ANKRD45: variants seen among roughly 807,000 people sequenced by gnomAD.
ANKRD45 encodes ankyrin repeat domain 45, also known as ankyrin repeat domain-containing protein 45.
Under a neutral mutation model 28.1 loss-of-function variants are expected in ANKRD45, and 21 were observed. The observed-to-expected ratio is 0.75, with a 90% confidence interval of 0.53 to 1.08. The LOEUF is 1.08. ANKRD45 is among the 50% of genes least tolerant of loss of function. The probability of loss-of-function intolerance (pLI) is 0.00; values close to 1 mark genes in which losing one functional copy is unlikely to be tolerated. For synonymous variants in ANKRD45, 86 were observed against 103.9 expected (o/e 0.83, Z 1.05); for missense variants, 261 against 308.7 (o/e 0.85, Z 1.16).
chr1:173,620,312 A>T (rs1558119378), intron 5 of ANKRD45, among the ~76,000 whole-genome samples: 1 of 152,218 alleles, frequency 6.6e-6, no homozygotes, highest in African/African-American at 2.4e-5. Context: ...TCAAAACCAC[A>T]CAACTGCATG....
the ANKRD45 span, among the ~76,000 whole-genome samples, chr1:173,685,298 A>C: frequency 6.6e-6 from 1 of 152,216 alleles, no homozygotes; most frequent in Non-Finnish European, 1.5e-5. Flanking sequence ...TGAGAGACAC[A>C]AAGTGAACTT....
the ANKRD45 span, among the ~76,000 whole-genome samples, chr1:173,708,284 A>C: frequency 3.8e-3 from 579 of 152,338 alleles, 4 homozygotes; most frequent in African/African-American, 0.013. Context: ...TGACATTATT[A>C]AGACATATGG....
At chr1:173,653,029 G>T (rs1249661915) in intron 2 of ANKRD45, among the ~76,000 whole-genome samples, 1 of 151,686 alleles carries the variant, frequency 6.6e-6, no homozygotes, top group African/African-American at 2.4e-5. Context: ...CAATTTTGTG[G>T]ATCTTTGCAA....
chr1:173,668,765 TAC>T (rs1464110219), intron 1 of ANKRD45, among the ~76,000 whole-genome samples: 2 of 152,228 alleles, frequency 1.3e-5, no homozygotes, highest in African/African-American at 4.8e-5. Context: ...AAAAATAAAT[TAC>T]ATTTTCTTTG....
At chr1:173,627,458 A>G (rs1667989836) in intron 3 of ANKRD45, among the ~76,000 whole-genome samples, 1 of 152,208 alleles carries the variant, frequency 6.6e-6, no homozygotes, top group Non-Finnish European at 1.5e-5. Flanking sequence ...CAGAGAATCT[A>G]TATGCTTGAG....
intron 1 of ANKRD45, chr1:173,667,828 G>T (rs1404459384): frequency 3.3e-6 from 1 of 299,006 alleles, no homozygotes; most frequent in Non-Finnish European, 6.5e-6. Flanking sequence ...ATATATCTAT[G>T]TAAGGAGGAA....
At chr1:173,627,770 A>ACCT (rs1668002298) in intron 3 of ANKRD45, among the ~76,000 whole-genome samples, 5 of 151,996 alleles carry the variant, frequency 3.3e-5, no homozygotes, top group African/African-American at 1.2e-4. Flanking sequence ...TGGGGTGCAC[A>ACCT]TCACCTAGTG....
intron 1 of ANKRD45, among the ~76,000 whole-genome samples, chr1:173,660,677 A>C (rs951466211): frequency 1.3e-5 from 2 of 152,212 alleles, no homozygotes; most frequent in Non-Finnish European, 2.9e-5. Flanking sequence ...GGAGAAGGCC[A>C]CCTTTCAAGG....
At chr1:173,669,901 A>C (rs1479508735), upstream of ANKRD45, 1 of 169,554 alleles carries the variant, frequency 5.9e-6, no homozygotes, top group African/African-American at 2.4e-5. Context: ...CGGTTCCGGC[A>C]GCGCGGGAAG....
the ANKRD45 span, among the ~76,000 whole-genome samples, chr1:173,709,496 C>A: frequency 6.6e-6 from 1 of 152,146 alleles, no homozygotes; most frequent in Non-Finnish European, 1.5e-5. Context: ...TCACTAGGTT[C>A]AGCCCACACT....
chr1:173,698,287 C>A, the ANKRD45 span, among the ~76,000 whole-genome samples: 2 of 152,088 alleles, frequency 1.3e-5, no homozygotes, highest in African/African-American at 4.8e-5. Flanking sequence ...ACAAGGATAT[C>A]CAGGACTTGA....
At chr1:173,683,072 G>A in the ANKRD45 span, among the ~76,000 whole-genome samples, 1 of 151,750 alleles carries the variant, frequency 6.6e-6, no homozygotes, top group Non-Finnish European at 1.5e-5. Flanking sequence ...AAGTTCAGAT[G>A]GAGTTGATCA....
intron 3 of ANKRD45, among the ~76,000 whole-genome samples, chr1:173,639,179 G>A (rs1252509268): frequency 6.6e-6 from 1 of 152,278 alleles, no homozygotes; most frequent in East Asian, 1.9e-4. Context: ...AATTTGGGCT[G>A]AGCAAGGTCT....
the ANKRD45 span, among the ~76,000 whole-genome samples, chr1:173,679,575 C>T: frequency 6.6e-6 from 1 of 152,074 alleles, no homozygotes; most frequent in Non-Finnish European, 1.5e-5. Context: ...AAATGTAAGA[C>T]TAAAACCATA....
chr1:173,695,227 G>A, the ANKRD45 span, among the ~76,000 whole-genome samples: 4 of 152,012 alleles, frequency 2.6e-5, no homozygotes, highest in Non-Finnish European at 5.9e-5. Flanking sequence ...TTAGATTCAG[G>A]AGTACATGTG....
chr1:173,697,494 G>C, the ANKRD45 span, among the ~76,000 whole-genome samples: 3 of 152,222 alleles, frequency 2.0e-5, no homozygotes, highest in Non-Finnish European at 2.9e-5. Flanking sequence ...AGCCAGAAGA[G>C]AGTGGGGGCC....
chr1:173,684,804 C>T, the ANKRD45 span, among the ~76,000 whole-genome samples: 1 of 152,176 alleles, frequency 6.6e-6, no homozygotes, highest in Non-Finnish European at 1.5e-5. Flanking sequence ...TGGCTAGTAG[C>T]CCCTAATTGT....
chr1:173,672,849 C>A (rs752874057), upstream of ANKRD45, among the ~76,000 whole-genome samples: 1 of 152,050 alleles, frequency 6.6e-6, no homozygotes, highest in Non-Finnish European at 1.5e-5. Flanking sequence ...TTGAAGGGGC[C>A]GAGTGCCCAT....
At chr1:173,710,972 TC>T in the ANKRD45 span, among the ~76,000 whole-genome samples, 1 of 151,660 alleles carries the variant, frequency 6.6e-6, no homozygotes. Flanking sequence ...ACTACTGCAC[TC>T]CAGCCTGGGT....
Sources: allele counts gnomAD v4.1 joint callset (sites outside exome capture counted in the v4.1 genomes callset), GRCh38; gene constraint gnomAD v4.1.1; transcripts MANE v1.5; gene names NCBI Gene and HGNC (gene_info 2026-07-23, HGNC 2026-07-21).